The following ZNF573 variants were observed in gnomAD, a reference collection of about 807,000 sequenced individuals.
ZNF573 encodes zinc finger protein 573.
In ZNF573, 41 loss-of-function variants were observed where a neutral mutation model predicts 57.4. That is an observed-to-expected ratio of 0.71 (90% CI 0.56 to 0.93). The LOEUF is 0.93. Ranked by LOEUF, ZNF573 falls within the 40% of genes least tolerant of loss-of-function variation. The pLI, the probability that ZNF573 is intolerant of heterozygous loss-of-function variation, is 0.00. For synonymous variants in ZNF573, 249 were observed against 261.0 expected (o/e 0.95, Z 0.44); for missense variants, 730 against 794.8 (o/e 0.92, Z 0.98).
intron 4 of ZNF573, among the ~76,000 whole-genome samples, chr19:37,742,516 A>G (rs2045336538): frequency 2.6e-5 from 4 of 152,184 alleles, no homozygotes; most frequent in Admixed American, 2.0e-4. Flanking sequence ...CCTCAGAAAT[A>G]ACACCACACA....
chr19:37,743,352 C>A (rs1438908779), intron 4 of ZNF573, among the ~76,000 whole-genome samples: 3 of 146,206 alleles, frequency 2.1e-5, no homozygotes, highest in South Asian at 2.2e-4. Context: ...AAGAAGAAGA[C>A]ATTTATGAGG....
In ZNF573 at chr19:37,739,081, A is replaced by G. The variant is rs746496935; in HGVS notation, c.1409T>C (p.Phe470Ser). Residue 470 changes from phenylalanine (F) to serine (S), a missense_variant, in exon 5 of 5, where the codon TTT becomes TCT. Physicochemically the swap from Phe to Ser is radical, Grantham distance 155. Transcript: ENST00000536220. Reference protein sequence around the residue: ...HQNIHTGKKLFECQECGKAYS... With the variant: ...HQNIHTGKKLSECQECGKAYS... The stretch of plus-strand genomic sequence containing the variant: ...GGCCTTCCCACATTCCTGACATTCA[A>G]AAAGTTTCTTACCAGTGTGAATATT... 2.5e-6 allele frequency: 4 copies of G among 1,611,904 alleles called. No homozygotes were observed. The highest frequency in any genetic ancestry group is 2.2e-5 in the East Asian group (1 of 44,756).
chr19:37,762,023 C>A (rs1344436473), intron 4 of ZNF573, among the ~76,000 whole-genome samples: 1 of 152,194 alleles, frequency 6.6e-6, no homozygotes, highest in African/African-American at 2.4e-5. Context: ...GGCACAAATT[C>A]TTATTTCACC....
chr19:37,763,747 A>C (rs1350062959), intron 4 of ZNF573, among the ~76,000 whole-genome samples: 1 of 151,952 alleles, frequency 6.6e-6, no homozygotes, highest in Admixed American at 6.6e-5. Context: ...TAATGTTCTA[A>C]GAATGTTTTA....
At chr19:37,758,420 G>A (rs1183739713) in intron 4 of ZNF573, 1 of 149,402 alleles carries the variant, frequency 6.7e-6, no homozygotes, top group Non-Finnish European at 1.5e-5. Flanking sequence ...GGCCAACATG[G>A]TGAAACCCCG....
At chr19:37,772,513 G>A (rs2045668233) in intron 2 of ZNF573, among the ~76,000 whole-genome samples, 1 of 152,008 alleles carries the variant, frequency 6.6e-6, no homozygotes, top group South Asian at 2.1e-4. Flanking sequence ...TTATGTCAGA[G>A]CACATAAGCA....
At chr19:37,751,928 CCGT>C in intron 4 of ZNF573, among the ~76,000 whole-genome samples, 3 of 53,492 alleles carry the variant, frequency 5.6e-5, no homozygotes, top group Admixed American at 2.0e-4. Context: ...GTACATAGTA[CCGT>C]ATATATACTG....
At chr19:37,771,799 C>A in intron 2 of ZNF573, 103 bp from the exon 3 acceptor site, 3 of 1,231,348 alleles carry the variant, frequency 2.4e-6, no homozygotes, top group South Asian at 3.0e-5. Context: ...GTATATGTGG[C>A]TAATGACTGG....
At chr19:37,776,524 A>G (rs1026129079) in intron 1 of ZNF573, among the ~76,000 whole-genome samples, 1 of 152,242 alleles carries the variant, frequency 6.6e-6, no homozygotes, top group African/African-American at 2.4e-5. Context: ...CTGAAACCAT[A>G]AAAATTCTAG....
At chr19:37,749,921 G>A (rs2045417223) in intron 4 of ZNF573, among the ~76,000 whole-genome samples, 1 of 151,982 alleles carries the variant, frequency 6.6e-6, no homozygotes, top group Non-Finnish European at 1.5e-5. Flanking sequence ...AATTCTATAA[G>A]CATTATGTAA....
At chr19:37,764,018 G>T (rs867166490) in intron 4 of ZNF573, among the ~76,000 whole-genome samples, 1 of 143,316 alleles carries the variant, frequency 7.0e-6, no homozygotes, top group Middle Eastern at 4.2e-3. Context: ...AGCCAAGATC[G>T]CACCTTTTCA....
chr19:37,755,693 ATAAG>A (rs2045480996), intron 4 of ZNF573, among the ~76,000 whole-genome samples: 1 of 152,228 alleles, frequency 6.6e-6, no homozygotes, highest in Non-Finnish European at 1.5e-5. Flanking sequence ...AAGAATGAAA[ATAAG>A]TGAGTAATTA....
intron 4 of ZNF573, among the ~76,000 whole-genome samples, chr19:37,743,313 C>A (rs756946521): frequency 1.2e-3 from 125 of 103,792 alleles, no homozygotes; most frequent in Non-Finnish European, 2.3e-3. Flanking sequence ...GAGTGAGAAT[C>A]CATCTCAAAA....
chr19:37,738,804 G>A lies in ZNF573; in HGVS notation c.1686C>T (p.Thr562=). 6.2e-7 allele frequency: 1 copy of A among 1,613,940 alleles called. No individual in the cohort carries two copies. The highest frequency in any genetic ancestry group is 8.5e-7 in the Non-Finnish European group (1 of 1,179,984). The change falls in exon 5 of 5, where the codon ACC becomes ACT. Residue 562 remains threonine (T), a synonymous_variant. Transcript: ENST00000536220. ...CAGTAAGGTGTGAACTACGTCTAAA[G>A]GTCTTCCCACATTCCTTACATTCAA... ...KPFECKECGK[T]FRRSSHLTAH...
intron 4 of ZNF573, among the ~76,000 whole-genome samples, chr19:37,751,030 A>G (rs887869648): frequency 7.9e-5 from 12 of 151,422 alleles, no homozygotes; most frequent in Admixed American, 7.9e-4. Flanking sequence ...AGTACTGTAT[A>G]TAGACAGTAT....
chr19:37,765,360 G>A (rs1261250157), intron 4 of ZNF573, among the ~76,000 whole-genome samples: 2 of 152,108 alleles, frequency 1.3e-5, no homozygotes. Flanking sequence ...TACAGGAAAC[G>A]TACAAGATAA....
chr19:37,778,996 C>A (rs894336842), intron 1 of ZNF573, among the ~76,000 whole-genome samples: 1 of 152,160 alleles, frequency 6.6e-6, no homozygotes, highest in African/African-American at 2.4e-5. Flanking sequence ...TGCCTTCTTG[C>A]TGGAAAACTT....
At chr19:37,755,213 C>T (rs2045476762) in intron 4 of ZNF573, 1 of 152,248 alleles carries the variant, frequency 6.6e-6, no homozygotes, top group African/African-American at 2.4e-5. Flanking sequence ...CGTGATCCGC[C>T]CGCCTCGGCC....
rs1457311520 is a variant in ZNF573, at chr19:37,738,446, T to C, written c.*46A>G. ...CTAACATTCCATCATTTCTCACCAGTGTGGGCTGTCTGATGATGAATGGCG... is the reference window on the plus strand; with the variant it reads ...CTAACATTCCATCATTTCTCACCAGCGTGGGCTGTCTGATGATGAATGGCG... On this transcript the variant is annotated 3_prime_UTR_variant, in exon 5 of 5. Transcript: ENST00000536220. The C allele has an allele frequency of 6.7e-7, 1 of 1,489,956 alleles. No homozygotes were observed. The highest frequency in any genetic ancestry group is 2.3e-5 in the East Asian group (1 of 43,688). 92.3% of individuals were successfully genotyped at this position (1,489,956 alleles called of 1,614,324 possible).
Sources: gnomAD v4.1 joint callset for allele counts (sites outside exome capture counted in the v4.1 genomes callset) on GRCh38, gnomAD v4.1.1 for gene constraint, MANE v1.5 for transcripts, NCBI Gene and HGNC (gene_info 2026-07-23, HGNC 2026-07-21) for gene names.